The following LNPEP variants were observed in gnomAD, a reference collection of about 807,000 sequenced individuals.
LNPEP encodes leucyl-cystinyl aminopeptidase.
Under a neutral mutation model 120.6 loss-of-function variants are expected in LNPEP, and 64 were observed. The ratio of observed to expected loss-of-function variants is 0.53; its 90% confidence interval spans 0.43 to 0.65. The LOEUF (loss-of-function observed/expected upper bound fraction) is 0.65. Among genes scored for constraint, LNPEP ranks in the 30% least tolerant of loss-of-function variants. The pLI is 0.00. For missense variants in LNPEP, 1,057 were observed against 1,200.0 expected (o/e 0.88, Z 1.76); for synonymous variants, 435 against 425.4 (o/e 1.02, Z -0.28).
At chr5:96,988,369 G>T (rs1412183347) in intron 4 of LNPEP, among the ~76,000 whole-genome samples, 2 of 123,534 alleles carry the variant, frequency 1.6e-5, no homozygotes, top group Non-Finnish European at 3.2e-5. Context: ...ACAGAGTCTC[G>T]CACTGTCGCC....
Position 97,030,108 on chromosome 5 carries a change from T to C in LNPEP, c.*1575T>C, listed in dbSNP as rs1303411334. 6.6e-6 allele frequency: 1 copy of C among 151,956 alleles called. No individual in the cohort carries two copies. Among genetic ancestry groups the C allele is most frequent in the Admixed American group, 6.5e-5 (1 of 15,274 alleles). The allele number at this position is 151,956 out of a possible 1,614,324, so 9.4% of individuals were successfully genotyped here. ...GAATGTATGGAATTGTGAATAAAAT[T>C]ATATTTTATTTTATGAAAATATTTT... On this transcript the variant is annotated 3_prime_UTR_variant, in exon 18 of 18. Transcript: ENST00000231368.
chr5:96,968,461 T>TAATAAGTGAATATTCCACAA lies in LNPEP; in HGVS notation c.20-10676_20-10675insATAAGTGAATATTCCACAAA, dbSNP rs1357561389. ...GGACTTACCCTGGGGGGAAAGTGAA[T>TAATAAGTGAATATTCCACAA]ATAATAATATTTGTGGAAGTCTTCT... On this transcript the variant is annotated intron_variant, in intron 1 of 17. Coordinates refer to ENST00000231368, the MANE Select transcript of LNPEP (RefSeq NM_005575.3). Among the ~76,000 whole-genome samples, 11 of 152,196 alleles carry TAATAAGTGAATATTCCACAA rather than the reference T, an allele frequency of 7.2e-5. No homozygotes were observed. In the South Asian group the frequency reaches 8.3e-4, roughly 11 times the overall value.
intron 9 of LNPEP, among the ~76,000 whole-genome samples, 178 bp downstream of exon 9, chr5:97,003,724 G>T (rs1281377974): frequency 6.6e-6 from 1 of 151,844 alleles, no homozygotes; most frequent in African/African-American, 2.4e-5. Flanking sequence ...TTTATGTCAA[G>T]AAATGGGAGT....
At chr5:97,003,664 AG>A (rs1230017601) in intron 9 of LNPEP, 118 bp downstream of exon 9, 33 of 590,022 alleles carry the variant, frequency 5.6e-5, no homozygotes, top group Non-Finnish European at 7.3e-5. Context: ...TATTTAAGAA[AG>A]GGGGGGATGG....
intron 11 of LNPEP, chr5:97,011,122 C>T: frequency 1.0e-6 from 1 of 985,266 alleles, no homozygotes; most frequent in Non-Finnish European, 1.2e-6. Context: ...TTTTCTGCAT[C>T]CATCTAGTGG....
At chr5:97,010,312 A>T in intron 11 of LNPEP, 1 of 977,760 alleles carries the variant, frequency 1.0e-6, no homozygotes, top group Non-Finnish European at 1.2e-6. Context: ...TATCACTATC[A>T]GAAATACTGC....
intron 1 of LNPEP, among the ~76,000 whole-genome samples, chr5:96,964,434 G>T (rs1168716097): frequency 6.6e-6 from 1 of 151,880 alleles, no homozygotes; most frequent in Non-Finnish European, 1.5e-5. Flanking sequence ...TATTTTCAGT[G>T]TATCCAACTG....
intron 4 of LNPEP, among the ~76,000 whole-genome samples, chr5:96,987,128 A>C (rs1167999131): frequency 6.6e-6 from 1 of 152,074 alleles, no homozygotes; most frequent in Non-Finnish European, 1.5e-5. Flanking sequence ...CCCTTTTTTC[A>C]AAGCAAATCC....
At chr5:96,972,849 C>T (rs964541171) in intron 1 of LNPEP, among the ~76,000 whole-genome samples, 3 of 152,240 alleles carry the variant, frequency 2.0e-5, no homozygotes, top group African/African-American at 7.2e-5. Flanking sequence ...CACCCTCAGT[C>T]ATCCATTTAC....
chr5:97,020,779 G>C (rs1019863770), intron 13 of LNPEP, among the ~76,000 whole-genome samples: 8 of 152,064 alleles, frequency 5.3e-5, no homozygotes, highest in African/African-American at 1.9e-4. Flanking sequence ...TCCAGCCTGG[G>C]CAACTGAGCA....
intron 11 of LNPEP, among the ~76,000 whole-genome samples, chr5:97,009,394 TA>T (rs1207519660): frequency 2.0e-5 from 3 of 152,186 alleles, no homozygotes; most frequent in African/African-American, 4.8e-5. Context: ...ATCATGGCTA[TA>T]TGAATCACTG....
At chr5:97,024,830 C>T in intron 15 of LNPEP, 148 bp downstream of exon 15, 4 of 651,960 alleles carry the variant, frequency 6.1e-6, no homozygotes, top group Non-Finnish European at 1.0e-5. Context: ...GAGGAGACTA[C>T]AGGTGCTGGG....
intron 1 of LNPEP, chr5:96,958,868 C>T (rs1246536503): frequency 8.2e-6 from 1 of 122,044 alleles, no homozygotes; most frequent in Non-Finnish European, 1.6e-5. Context: ...CTCACTCTGT[C>T]ACCAGGCTGG....
At chr5:96,991,882 A>T (rs1375494484) in intron 4 of LNPEP, among the ~76,000 whole-genome samples, 1 of 152,212 alleles carries the variant, frequency 6.6e-6, no homozygotes, top group African/African-American at 2.4e-5. Flanking sequence ...GAGTTCACCA[A>T]TGTGCTTTTT....
intron 13 of LNPEP, among the ~76,000 whole-genome samples, chr5:97,017,054 C>T (rs1360653667): frequency 6.6e-6 from 1 of 152,140 alleles, no homozygotes; most frequent in Non-Finnish European, 1.5e-5. Flanking sequence ...TAATAGTGTA[C>T]TATCAAATAG....
intron 8 of LNPEP, among the ~76,000 whole-genome samples, chr5:96,999,538 A>T (rs963422111): frequency 1.3e-5 from 2 of 152,218 alleles, no homozygotes; most frequent in African/African-American, 4.8e-5. Flanking sequence ...TTTGAAGACC[A>T]TAGTGGACCT....
chr5:96,939,868 CT>C (rs1789012293), intron 1 of LNPEP, among the ~76,000 whole-genome samples: 2 of 151,624 alleles, frequency 1.3e-5, no homozygotes, highest in African/African-American at 4.8e-5. Flanking sequence ...ATATGTGAGT[CT>C]TTTTAAAAAA....
intron 11 of LNPEP, chr5:97,010,731 C>A: frequency 1.0e-6 from 1 of 985,154 alleles, no homozygotes; most frequent in Non-Finnish European, 1.2e-6. Context: ...ACTCAATAGA[C>A]TGAAAATTGA....
chr5:97,011,256 T>C, intron 11 of LNPEP: 1 of 905,202 alleles, frequency 1.1e-6, no homozygotes, highest in South Asian at 5.1e-5. Flanking sequence ...GACAGGGTCC[T>C]GCTCTGTCAC....
Sources: allele counts gnomAD v4.1 joint callset (sites outside exome capture counted in the v4.1 genomes callset), GRCh38; gene constraint gnomAD v4.1.1; transcripts MANE v1.5; gene names NCBI Gene and HGNC (gene_info 2026-07-23, HGNC 2026-07-21).